MAP1S: variants seen among roughly 807,000 people sequenced by gnomAD.
MAP1S encodes the protein microtubule-associated protein 1S.
MAP1S carries 27 observed loss-of-function variants against 60.9 expected under a neutral mutation model. That is an observed-to-expected ratio of 0.44 (90% confidence interval 0.33 to 0.61). The LOEUF is 0.61. Ranked by LOEUF, MAP1S falls within the 20% of genes least tolerant of loss-of-function variation. The pLI is 0.03. For synonymous variants in MAP1S, 826 were observed against 694.2 expected (o/e 1.19, Z -2.98); for missense variants, 1,608 against 1,486.6 (o/e 1.08, Z -1.34).
Position 17,724,971 on chromosome 19 carries a change from C to A in MAP1S, c.304-78C>A, listed in dbSNP as rs932502916. The A allele has an allele frequency of 2.5e-6, 4 of 1,589,024 alleles. No individual in the cohort carries two copies. The African/African-American group carries it at 4.0e-5, about 16-fold the overall frequency. On this transcript the variant is annotated intron_variant, in intron 3 of 6. Transcript: ENST00000324096. ...CAGGAGAGGGGTGGTTATGTATCGACTCGAGGCTACCCCAAAGAGGACTGC... is the reference window on the plus strand; with the variant it reads ...CAGGAGAGGGGTGGTTATGTATCGAATCGAGGCTACCCCAAAGAGGACTGC...
chr19:17,721,159 C>A, intron 2 of MAP1S, 122 bp downstream of exon 2: 1 of 812,302 alleles, frequency 1.2e-6, no homozygotes, highest in African/African-American at 1.7e-5. Context: ...ACAGTTGAGA[C>A]CTTTCAAATG....
chr19:17,720,299 G>A (rs1415067293), intron 1 of MAP1S: 52 of 1,437,844 alleles, frequency 3.6e-5, no homozygotes, highest in Non-Finnish European at 4.6e-5. Flanking sequence ...CATGTAAAAT[G>A]GGACAGGAAC....
At chr19:17,722,784 A>AGGGG (rs2080382714) in intron 2 of MAP1S, among the ~76,000 whole-genome samples, 1 of 88,568 alleles carries the variant, frequency 1.1e-5, no homozygotes, top group Non-Finnish European at 2.3e-5. Context: ...GGAGGGAGGG[A>AGGGG]GGGGGAGAGG....
At chr19:17,721,666 G>A (rs2080372010) in intron 2 of MAP1S, among the ~76,000 whole-genome samples, 1 of 152,140 alleles carries the variant, frequency 6.6e-6, no homozygotes, top group African/African-American at 2.4e-5. Flanking sequence ...CAGAGTGGGA[G>A]GGACTCTGTC....
At chr19:17,724,928 C>T in intron 3 of MAP1S, 121 bp from the exon 4 acceptor site, 1 of 1,257,088 alleles carries the variant, frequency 8.0e-7, no homozygotes, top group Non-Finnish European at 1.2e-6. Context: ...GAGCACTGGG[C>T]TGGTCGTGGG....
chr19:17,727,677 G>A lies in MAP1S; in HGVS notation c.2293G>A (p.Asp765Asn). 6.2e-7 allele frequency: 1 copy of A among 1,609,720 alleles called. No individual in the cohort carries two copies. Among genetic ancestry groups the A allele is most frequent in the Non-Finnish European group, 8.5e-7 (1 of 1,179,578 alleles). Residue 765 changes from aspartate (D) to asparagine (N), a missense_variant, in exon 5 of 7, where the codon GAC (aspartate) becomes AAC (asparagine). Asp to Asn is a conservative substitution (Grantham distance 23, BLOSUM62 1). Coordinates refer to ENST00000324096, the MANE Select transcript of MAP1S (RefSeq NM_018174.6). The surrounding 1 kb of genome is among the most constrained non-coding windows in gnomAD (Gnocchi z 4.1). ...PAPASPGSSN[D>N]SSARSQERAG... Reference sequence around the variant, plus strand: ...ACCTGCGTCCCCCGGCAGCTCGAATGACAGCAGTGCCCGGTCACAGGAACG... The same window carrying A: ...ACCTGCGTCCCCCGGCAGCTCGAATAACAGCAGTGCCCGGTCACAGGAACG...
chr19:17,724,329 A>G (rs1396053131), intron 3 of MAP1S, 121 bp downstream of exon 3: 4 of 763,934 alleles, frequency 5.2e-6, no homozygotes, highest in African/African-American at 1.7e-5. Flanking sequence ...CCGGCACCAC[A>G]CTTCTTCGCC....
Position 17,733,419 on chromosome 19 carries a change from T to C in MAP1S, c.3015T>C (p.Arg1005=), listed in dbSNP as rs1482628873. 1 of 1,600,256 alleles carries C rather than the reference T, an allele frequency of 6.2e-7. No individual in the cohort carries two copies. Among genetic ancestry groups the C allele is most frequent in the South Asian group, 1.1e-5 (1 of 89,146 alleles). The change falls in exon 6 of 7, where the codon CGT becomes CGC. Residue 1005 remains arginine, a synonymous_variant. Transcript: ENST00000324096. ...TGGCCAGCAAGCAGCATTGGGACCG[T>C]GACCTGCAGGTGCGTGTCACCCCAG... ...ALLASKQHWD[R]DLQVTLIPTF... is the part of the protein sequence containing the mutation.
rs377419052 is a variant in MAP1S at position 17,722,877 on chromosome 19, GGAAA to G, written c.221-1243_221-1240del. On this transcript the variant is annotated intron_variant, in intron 2 of 6. Transcript: ENST00000324096. ...GAGAAAGGGAAAAGAAGGAAAGAAAGGAAAGAAAGTTAAATGTGATAAGGGCTGG... is the reference window on the plus strand; with the variant it reads ...GAGAAAGGGAAAAGAAGGAAAGAAAGGAAAGTTAAATGTGATAAGGGCTGG... 6.5e-3 allele frequency among the ~76,000 whole-genome samples: 993 copies of G among 152,056 alleles called. 9 individuals are homozygous for G. Among genetic ancestry groups the G allele is most frequent in the African/African-American group, 0.022 (927 of 41,478 alleles).
intron 5 of MAP1S, among the ~76,000 whole-genome samples, chr19:17,729,883 G>A (rs78445714): frequency 6.6e-6 from 1 of 152,114 alleles, no homozygotes; most frequent in African/African-American, 2.4e-5. Flanking sequence ...GGCCGGTCTC[G>A]AACTCCTGGC....
In MAP1S at chr19:17,733,212, C is replaced by A. The variant is rs757803840; in HGVS notation, c.2808C>A (p.Pro936=). 6.5e-7 allele frequency: 1 copy of A among 1,543,134 alleles called. No individual in the cohort carries two copies. The highest frequency in any genetic ancestry group is 1.2e-5 in the South Asian group (1 of 83,570). ...CCGCAGGGTCAGCCAGCAGCCGGCC[C>A]GGGGTGTCAGCCACCCCACCCAAGT... ...RGPSGSASSR[P]GVSATPPKSP... is the part of the protein sequence containing the mutation. Residue 936 remains proline, a synonymous_variant, in exon 6 of 7, where the codon CCC becomes CCA. Transcript: ENST00000324096.
At chr19:17,731,440 C>T (rs2080492429) in intron 5 of MAP1S, among the ~76,000 whole-genome samples, 1 of 152,130 alleles carries the variant, frequency 6.6e-6, no homozygotes, top group Non-Finnish European at 1.5e-5. Context: ...ATTTCCGGGC[C>T]TCTATTGTAT....
At position 17,727,502 on chromosome 19, in the gene MAP1S, G is replaced by C. The variant is rs755876245; in HGVS notation, c.2118G>C (p.Leu706=). 1 of 1,610,746 alleles carries C rather than the reference G, an allele frequency of 6.2e-7. No homozygotes were observed. Among genetic ancestry groups the C allele is most frequent in the East Asian group, 2.2e-5 (1 of 44,790 alleles). Reference sequence around the variant, plus strand: ...TGTCGGTGTCCTTTGAGCAGGTGCTGCCGCCATCCGCCCCCACCAGTGAGG... The same window carrying C: ...TGTCGGTGTCCTTTGAGCAGGTGCTCCCGCCATCCGCCCCCACCAGTGAGG... The part of the protein sequence containing the change: ...ESLSVSFEQV[L]PPSAPTSEAG... Residue 706 remains leucine, a synonymous_variant, in exon 5 of 7, where the codon CTG becomes CTC. Coordinates refer to ENST00000324096, the MANE Select transcript of MAP1S (RefSeq NM_018174.6). The surrounding 1 kb of genome is among the most constrained non-coding windows in gnomAD (Gnocchi z 4.1).
At position 17,726,421 on chromosome 19, in the gene MAP1S, C is replaced by G. The variant is rs1279815258; in HGVS notation, c.1037C>G (p.Ser346Trp). 1.9e-6 allele frequency: 3 copies of G among 1,566,298 alleles called. No individual in the cohort carries two copies. Among genetic ancestry groups the G allele is most frequent in the South Asian group, 2.3e-5 (2 of 86,880 alleles). Residue 346 changes from serine (S) to tryptophan (W), a missense_variant, in exon 5 of 7, where the codon TCG becomes TGG. Physicochemically the swap from Ser to Trp is radical, Grantham distance 177. Around this residue, in one of 4 missense-constraint regions of MAP1S, gnomAD observed 1,167 missense variants for 961.4 expected, o/e 1.21. Transcript: ENST00000324096. ...VVFFNACEAA[S>W]RLARGEDEAE... ...TTCTTCAACGCCTGCGAGGCCGCGT[C>G]GCGGCTGGCGCGCGGCGAGGATGAG... is the stretch of plus-strand genomic sequence containing the variant.
intron 5 of MAP1S, 80 bp downstream of exon 5, chr19:17,728,252 A>G: frequency 1.4e-6 from 2 of 1,429,036 alleles, no homozygotes; most frequent in East Asian, 2.4e-5. Context: ...CTGTTTTTAC[A>G]TTTTCAGTTT....
intron 1 of MAP1S, 87 bp downstream of exon 1, chr19:17,719,707 C>T (rs944776889): frequency 5.5e-5 from 22 of 402,800 alleles, no homozygotes; most frequent in Non-Finnish European, 6.4e-5. Flanking sequence ...GGGGCGGCGG[C>T]GGCGGCGGCG....
intron 2 of MAP1S, 96 bp downstream of exon 2, chr19:17,721,133 T>A: frequency 1.1e-6 from 1 of 940,026 alleles, no homozygotes. Context: ...CAGCTATAAA[T>A]AACAACAGTA....
chr19:17,727,157 C>CA lies in MAP1S; in HGVS notation c.1774dup (p.Ser592LysfsTer51). 1 of 1,588,154 alleles carries CA rather than the reference C, an allele frequency of 6.3e-7. No individual in the cohort carries two copies. The highest frequency in any genetic ancestry group is 8.5e-7 in the Non-Finnish European group (1 of 1,170,624). On this transcript the variant is annotated frameshift_variant, in exon 5 of 7. Transcript: ENST00000324096. LOFTEE classifies it high-confidence loss of function. The surrounding 1 kb of genome is among the most constrained non-coding windows in gnomAD (Gnocchi z 4.1). ...CGCCCAGCCTCCGATGTGGAGAAGC[C>CA]AGCCCCCCCAGTGCAGCCTGCGGCT... is the stretch of plus-strand genomic sequence containing the variant.
In MAP1S at chr19:17,724,170, G is replaced by A. The variant is rs761973938; in HGVS notation, c.265G>A (p.Val89Ile). 5.6e-6 allele frequency: 9 copies of A among 1,613,812 alleles called. No homozygotes were observed. The Admixed American group carries it at 8.3e-5, about 15-fold the overall frequency. The part of the protein sequence containing the change: ...HHRGDNLETL[V>I]LLNPSDKSLY... Reference sequence around the variant, plus strand: ...CCGTGGAGACAACCTGGAGACCCTGGTCCTCCTGAACCCATCAGACAAGTC... The same window carrying A: ...CCGTGGAGACAACCTGGAGACCCTGATCCTCCTGAACCCATCAGACAAGTC... The change falls in exon 3 of 7, where the codon GTC (valine) becomes ATC (isoleucine). Residue 89 changes from valine (V) to isoleucine (I), a missense_variant. Val to Ile is a conservative substitution (Grantham distance 29). Around this residue, in one of 4 missense-constraint regions of MAP1S, gnomAD observed 320 missense variants for 393.1 expected, o/e 0.81. Coordinates refer to ENST00000324096, the MANE Select transcript of MAP1S (RefSeq NM_018174.6).
Sources: allele counts gnomAD v4.1 joint callset (sites outside exome capture counted in the v4.1 genomes callset), GRCh38; gene constraint gnomAD v4.1.1; regional missense constraint gnomAD v4.1.1; non-coding constraint Gnocchi (gnomAD v3.1); transcripts MANE v1.5; gene names NCBI Gene and HGNC (gene_info 2026-07-23, HGNC 2026-07-21).